SCIN: variants seen among roughly 807,000 people sequenced by gnomAD.
SCIN encodes the protein scinderin.
A neutral mutation model predicts 91.8 loss-of-function variants in SCIN; 91 were observed. That is an observed-to-expected ratio of 0.99 (90% confidence interval 0.84 to 1.18). The LOEUF (loss-of-function observed/expected upper bound fraction) is 1.18. Among genes scored for constraint, SCIN ranks in the 50% most tolerant of loss-of-function variants. The pLI is 0.00. For synonymous variants in SCIN, 367 were observed against 312.6 expected (o/e 1.17, Z -1.84); for missense variants, 1,087 against 863.9 (o/e 1.26, Z -3.24).
rs1468119668 is a variant in SCIN at position 12,660,063 on chromosome 7, C to T, written c.*7348C>T. ...GCCAGCAAAACATTGCTCCTGACTC[C>T]ACCGCCTATCCCAAAACCTATAAGA... On this transcript the variant is annotated 3_prime_UTR_variant, in exon 16 of 16. Transcript: ENST00000297029. 6.6e-6 allele frequency: 1 copy of T among 152,274 alleles called. No individual in the cohort carries two copies. Among genetic ancestry groups the T allele is most frequent in the Non-Finnish European group, 1.5e-5 (1 of 68,138 alleles). The allele number at this position is 152,274 out of a possible 1,614,324, so 9.4% of individuals were successfully genotyped here.
chr7:12,601,334 G>T (rs774840351), intron 3 of SCIN, among the ~76,000 whole-genome samples: 6 of 152,096 alleles, frequency 3.9e-5, no homozygotes, highest in Non-Finnish European at 8.8e-5. Context: ...ACTCTGGGCT[G>T]GAAATTTAAT....
intron 4 of SCIN, among the ~76,000 whole-genome samples, chr7:12,611,686 C>A (rs752510419): frequency 1.3e-5 from 2 of 152,126 alleles, no homozygotes; most frequent in South Asian, 4.1e-4. Context: ...AAATCCCTCT[C>A]ACGACCACTT....
chr7:12,607,538 T>TA (rs1349001400), intron 4 of SCIN, among the ~76,000 whole-genome samples: 1 of 152,230 alleles, frequency 6.6e-6, no homozygotes, highest in Non-Finnish European at 1.5e-5. Context: ...GATAAAGAGA[T>TA]ATAATGCTTA....
At chr7:12,586,189 C>T (rs765362921) in intron 3 of SCIN, among the ~76,000 whole-genome samples, 1 of 152,198 alleles carries the variant, frequency 6.6e-6, no homozygotes, top group Non-Finnish European at 1.5e-5. Context: ...ATGGCTCATG[C>T]AGCCACATGT....
intron 3 of SCIN, chr7:12,588,839 A>AGGGGGGGGGGGGGGGGGGGGGGGGGGGGG (rs1562599677): frequency 3.5e-4 from 1 of 2,818 alleles, no homozygotes; most frequent in African/African-American, 1.4e-3. Context: ...GCGGGTGGGA[A>AGGGGGGGGGGGGGGGGGGGGGGGGGGGGG]GGGGGAGGGG....
At chr7:12,614,542 C>T (rs1041473867) in intron 4 of SCIN, among the ~76,000 whole-genome samples, 2 of 152,060 alleles carry the variant, frequency 1.3e-5, no homozygotes, top group Non-Finnish European at 2.9e-5. Context: ...GAAAGGTGAT[C>T]CTGAAAGCAT....
At chr7:12,638,660 A>G (rs1329349655) in intron 10 of SCIN, among the ~76,000 whole-genome samples, 1 of 152,224 alleles carries the variant, frequency 6.6e-6, no homozygotes, top group Non-Finnish European at 1.5e-5. Context: ...GACACTTCAG[A>G]ACATAAAGTA....
chr7:12,640,162 C>T (rs1783828372), intron 10 of SCIN, among the ~76,000 whole-genome samples, 185 bp from the exon 11 acceptor site: 1 of 152,216 alleles, frequency 6.6e-6, no homozygotes, highest in South Asian at 2.1e-4. Flanking sequence ...AAAAGATTCT[C>T]AAGTCAACAG....
At chr7:12,592,249 G>T (rs1034312044) in intron 3 of SCIN, among the ~76,000 whole-genome samples, 1 of 152,116 alleles carries the variant, frequency 6.6e-6, no homozygotes, top group East Asian at 1.9e-4. Context: ...GTGGATAGGG[G>T]TTATGGACTA....
intron 1 of SCIN, among the ~76,000 whole-genome samples, chr7:12,573,921 C>A (rs1461114244): frequency 6.6e-6 from 1 of 152,150 alleles, no homozygotes; most frequent in East Asian, 1.9e-4. Flanking sequence ...GAAACTGGAT[C>A]ATTTACATTG....
At position 12,588,395 on chromosome 7, in the gene SCIN, G is replaced by A. The variant is rs562384196; in HGVS notation, c.516+7174G>A. ...GACAAGGTAAAATGTGAGACATGCA[G>A]GAGGAAAGGTGTAAACACATTATAA... On this transcript the variant is annotated intron_variant, in intron 3 of 15. Transcript: ENST00000297029. 1.3e-3 allele frequency among the ~76,000 whole-genome samples: 192 copies of A among 152,312 alleles called. 1 individual carries two copies. Among genetic ancestry groups the A allele is most frequent in the African/African-American group, 4.5e-3 (185 of 41,562 alleles).
At chr7:12,574,327 T>C (rs1782326864) in intron 1 of SCIN, among the ~76,000 whole-genome samples, 1 of 152,154 alleles carries the variant, frequency 6.6e-6, no homozygotes, top group Non-Finnish European at 1.5e-5. Context: ...TATAAAATTT[T>C]TGAAATGACA....
At chr7:12,619,537 G>A (rs1404099308) in intron 4 of SCIN, among the ~76,000 whole-genome samples, 1 of 152,104 alleles carries the variant, frequency 6.6e-6, no homozygotes, top group South Asian at 2.1e-4. Flanking sequence ...AGTTCACCTT[G>A]GATCATAGTA....
intron 13 of SCIN, 76 bp from the exon 14 acceptor site, chr7:12,649,391 A>G: frequency 1.2e-6 from 1 of 819,934 alleles, no homozygotes; most frequent in Non-Finnish European, 1.8e-6. Flanking sequence ...CAAAAAAAAT[A>G]CAGGGCATTT....
At chr7:12,587,261 C>G (rs996075162) in intron 3 of SCIN, among the ~76,000 whole-genome samples, 2 of 152,114 alleles carry the variant, frequency 1.3e-5, no homozygotes, top group African/African-American at 4.8e-5. Context: ...ATTTTGTTAG[C>G]CATTAAAGCA....
chr7:12,614,295 T>C (rs1420003491), intron 4 of SCIN, among the ~76,000 whole-genome samples: 2 of 152,178 alleles, frequency 1.3e-5, no homozygotes, highest in Non-Finnish European at 2.9e-5. Context: ...CTTCTTCTTA[T>C]TAACACAGGA....
intron 4 of SCIN, among the ~76,000 whole-genome samples, chr7:12,617,937 A>T (rs1461078173): frequency 6.6e-6 from 1 of 151,924 alleles, no homozygotes; most frequent in Non-Finnish European, 1.5e-5. Flanking sequence ...ATGACTTGTG[A>T]TTTTGCTTTC....
chr7:12,646,646 G>A (rs4719326), intron 13 of SCIN, among the ~76,000 whole-genome samples: 72,612 of 151,942 alleles, frequency 0.48, 18,711 homozygotes, highest in African/African-American at 0.68. Flanking sequence ...TCTGTTTGAC[G>A]TGCTAAGTTT....
At chr7:12,619,430 G>A (rs2115267085) in intron 4 of SCIN, among the ~76,000 whole-genome samples, 1 of 152,278 alleles carries the variant, frequency 6.6e-6, no homozygotes, top group South Asian at 2.1e-4. Flanking sequence ...TAAGGATTAA[G>A]AGAGTAAAAG....
Sources: allele counts gnomAD v4.1 joint callset (sites outside exome capture counted in the v4.1 genomes callset), GRCh38; gene constraint gnomAD v4.1.1; transcripts MANE v1.5; gene names NCBI Gene and HGNC (gene_info 2026-07-23, HGNC 2026-07-21).